Variants in MARCHF1 observed in about 807,000 individuals in gnomAD.
MARCHF1 encodes E3 ubiquitin-protein ligase MARCHF1.
Under a neutral mutation model 54.2 loss-of-function variants are expected in MARCHF1, and 40 were observed. The observed-to-expected ratio is 0.74, with a 90% CI of 0.57 to 0.96. The LOEUF (loss-of-function observed/expected upper bound fraction) is 0.96. Among genes scored for constraint, MARCHF1 ranks in the 40% least tolerant of loss-of-function variants. The pLI, the probability that MARCHF1 is intolerant of heterozygous loss-of-function variation, is 0.00. For synonymous variants in MARCHF1, 236 were observed against 236.3 expected (o/e 1.00, Z 0.01); for missense variants, 586 against 656.5 (o/e 0.89, Z 1.17).
intron 8 of MARCHF1, among the ~76,000 whole-genome samples, chr4:163,553,476 C>T (rs974397837): frequency 3.3e-5 from 5 of 152,136 alleles, no homozygotes; most frequent in Non-Finnish European, 5.9e-5. Context: ...TGTCTCATAT[C>T]AGGAAAATAC....
chr4:163,634,126 C>G (rs1460156029), intron 5 of MARCHF1, among the ~76,000 whole-genome samples: 1 of 152,174 alleles, frequency 6.6e-6, no homozygotes, highest in African/African-American at 2.4e-5. Context: ...CAACCGGTAC[C>G]AGCTGCTGCA....
intron 2 of MARCHF1, among the ~76,000 whole-genome samples, chr4:164,026,083 G>T (rs1753760337): frequency 6.6e-6 from 1 of 151,920 alleles, no homozygotes; most frequent in African/African-American, 2.4e-5. Context: ...GTAATAAAAA[G>T]AAACCTGATA....
chr4:164,175,383 T>C (rs1006502729), intron 1 of MARCHF1, among the ~76,000 whole-genome samples: 2 of 152,208 alleles, frequency 1.3e-5, no homozygotes, highest in African/African-American at 4.8e-5. Context: ...GTTCTAATGG[T>C]AAAATTGAGG....
chr4:163,831,574 G>A (rs1392759734), intron 4 of MARCHF1, among the ~76,000 whole-genome samples: 1 of 150,678 alleles, frequency 6.6e-6, no homozygotes, highest in Non-Finnish European at 1.5e-5. Flanking sequence ...CTGGAGTAAA[G>A]CTCCATCTGT....
chr4:164,100,354 C>G (rs4691955), intron 2 of MARCHF1, among the ~76,000 whole-genome samples: 127,770 of 152,226 alleles, frequency 0.84, 54,139 homozygotes, highest in Non-Finnish European at 0.89. Context: ...ATATCTCCAA[C>G]ACCTGTCCAA....
chr4:164,197,304 C>T (rs1560949459), intron 1 of MARCHF1: 1 of 1,611,920 alleles, frequency 6.2e-7, no homozygotes, highest in Non-Finnish European at 8.5e-7. Context: ...ATGTGAGTTG[C>T]AGGAGAAGCT....
At chr4:164,169,271 A>C (rs1233967279) in intron 1 of MARCHF1, among the ~76,000 whole-genome samples, 1 of 152,112 alleles carries the variant, frequency 6.6e-6, no homozygotes, top group Non-Finnish European at 1.5e-5. Context: ...CAGCCTACTC[A>C]AGACCCTTGC....
intron 8 of MARCHF1, among the ~76,000 whole-genome samples, chr4:163,553,293 G>A (rs780933783): frequency 1.3e-5 from 2 of 152,196 alleles, no homozygotes; most frequent in African/African-American, 2.4e-5. Context: ...TTGCAGCACC[G>A]CATCCAATTA....
At chr4:163,578,296 C>G (rs1725733861) in intron 8 of MARCHF1, among the ~76,000 whole-genome samples, 1 of 152,054 alleles carries the variant, frequency 6.6e-6, no homozygotes, top group African/African-American at 2.4e-5. Context: ...CACAAGGTGA[C>G]ATTCTTACTA....
chr4:163,897,366 A>G (rs1750833423), intron 3 of MARCHF1, among the ~76,000 whole-genome samples: 4 of 152,178 alleles, frequency 2.6e-5, no homozygotes, highest in Admixed American at 2.0e-4. Context: ...GCCCATTATT[A>G]TAATCACTTT....
At chr4:163,613,549 G>A in intron 5 of MARCHF1, 156 bp from the exon 6 acceptor site, 2 of 1,544,962 alleles carry the variant, frequency 1.3e-6, no homozygotes. Flanking sequence ...TTTGAGGTTG[G>A]TTTTGCAAAA....
rs60204920 is a variant in MARCHF1, at chr4:164,095,415, A to AACAC, written c.-248+16169_-248+16172dup. Reference sequence around the variant, plus strand: ...GTTTGCTATATTACACACACACACAAACACACACACACACACACACACCAA... The same window carrying AACAC: ...GTTTGCTATATTACACACACACACAAACACACACACACACACACACACACACCAA... On this transcript the variant is annotated intron_variant, in intron 2 of 9. Transcript: ENST00000514618. 5.2e-3 allele frequency among the ~76,000 whole-genome samples: 776 copies of AACAC among 148,934 alleles called. 3 individuals carry two copies. The highest frequency in any genetic ancestry group is 0.01 in the East Asian group (51 of 5,054).
At chr4:164,195,002 C>T (rs991346797) in intron 1 of MARCHF1, among the ~76,000 whole-genome samples, 3 of 149,558 alleles carry the variant, frequency 2.0e-5, no homozygotes, top group African/African-American at 7.4e-5. Context: ...GTGTGATGTT[C>T]CCCGCCCTGT....
intron 1 of MARCHF1, chr4:164,189,020 G>T (rs1327594000): frequency 2.9e-6 from 2 of 695,918 alleles, no homozygotes; most frequent in Non-Finnish European, 5.3e-6. Context: ...GGATAAGAGG[G>T]AGGGGGAGAA....
At chr4:163,736,549 TGG>T (rs10539755) in intron 4 of MARCHF1, among the ~76,000 whole-genome samples, 53,692 of 132,602 alleles carry the variant, frequency 0.4, 9,827 homozygotes, top group Non-Finnish European at 0.46. Flanking sequence ...AAGGGTTGGG[TGG>T]GGGGGGGGAC....
chr4:164,113,375 T>C (rs1755875467), intron 1 of MARCHF1, among the ~76,000 whole-genome samples: 1 of 152,022 alleles, frequency 6.6e-6, no homozygotes, highest in Non-Finnish European at 1.5e-5. Context: ...TGATGCTTTC[T>C]CTCTATATAC....
At chr4:164,098,364 C>G (rs946621331) in intron 2 of MARCHF1, among the ~76,000 whole-genome samples, 3 of 152,024 alleles carry the variant, frequency 2.0e-5, no homozygotes, top group African/African-American at 7.2e-5. Context: ...GGAAGACAAC[C>G]CTGAAATAGA....
At chr4:164,298,265 TA>T (rs1734462292) in intron 1 of MARCHF1, among the ~76,000 whole-genome samples, 1 of 152,042 alleles carries the variant, frequency 6.6e-6, no homozygotes, top group African/African-American at 2.4e-5. Flanking sequence ...TAAAATAGAT[TA>T]AAATAAAGCC....
At chr4:163,963,018 T>G (rs890306834) in intron 3 of MARCHF1, among the ~76,000 whole-genome samples, 2 of 151,884 alleles carry the variant, frequency 1.3e-5, no homozygotes, top group Non-Finnish European at 2.9e-5. Flanking sequence ...GCACTACATT[T>G]CTCTACAGAA....
Sources: gnomAD v4.1 joint callset for allele counts (sites outside exome capture counted in the v4.1 genomes callset) on GRCh38, gnomAD v4.1.1 for gene constraint, MANE v1.5 for transcripts, NCBI Gene and HGNC (gene_info 2026-07-23, HGNC 2026-07-21) for gene names.